OTOG: variants seen among roughly 807,000 people sequenced by gnomAD.
OTOG encodes otogelin.
In OTOG, 296 loss-of-function variants were observed where a neutral mutation model predicts 313.8. That is an observed-to-expected ratio of 0.94 (90% CI 0.86 to 1.04). The LOEUF (loss-of-function observed/expected upper bound fraction) is 1.04. OTOG is among the 50% of genes least tolerant of loss of function. The probability of loss-of-function intolerance (pLI) is 0.00; values close to 1 mark genes in which losing one functional copy is unlikely to be tolerated. For missense variants in OTOG, 3,948 were observed against 3,840.1 expected (o/e 1.03, Z -0.74); for synonymous variants, 1,533 against 1,554.9 (o/e 0.99, Z 0.33).
intron 48 of OTOG, chr11:17,638,819 C>T (rs955385062): frequency 5.3e-5 from 75 of 1,426,344 alleles, no homozygotes; most frequent in Admixed American, 1.3e-4. Context: ...TTACTGCGGC[C>T]GGGCACGGTG....
chr11:17,593,338 G>C lies in OTOG; in HGVS notation c.3141+11G>C. 2 of 1,550,446 alleles carry C rather than the reference G, an allele frequency of 1.3e-6. No homozygotes were observed. The highest frequency in any genetic ancestry group is 2.4e-5 in the South Asian group (2 of 84,012). ...GACTCCGGAAATCCTGTAAGGCTCA[G>C]TGCCTGTGAAGGTTGTGTAGACAAT... On this transcript the variant is annotated intron_variant, in intron 26 of 55. Coordinates refer to ENST00000399397, the MANE Select transcript of OTOG (RefSeq NM_001292063.2).
At position 17,642,195 on chromosome 11, in the gene OTOG, G is replaced by C. The variant is rs2023483; in HGVS notation, c.8364G>C (p.Leu2788=). The C allele has an allele frequency of 0.32, 491,485 of 1,548,636 alleles. 81,754 individuals are homozygous for C. Among genetic ancestry groups the C allele is most frequent in the African/African-American group, 0.51 (37,455 of 73,018 alleles). Residue 2788 remains leucine (L), a synonymous_variant, in exon 53 of 56, where the codon CTG becomes CTC. Coordinates refer to ENST00000399397, the MANE Select transcript of OTOG (RefSeq NM_001292063.2). The part of the protein sequence containing the change: ...HCSSTPLGAV[L]VRSPISCPPL... ...GCAGCACGCCCCTGGGTGCCGTGCT[G>C]GTCCGCTCTCCCATAAGCTGCCCAC...
At chr11:17,551,413 C>T (rs1851929575) in intron 3 of OTOG, among the ~76,000 whole-genome samples, 1 of 152,154 alleles carries the variant, frequency 6.6e-6, no homozygotes, top group African/African-American at 2.4e-5. Context: ...CTTGGCCTGT[C>T]TCCTCCTTAG....
intron 22 of OTOG, among the ~76,000 whole-genome samples, chr11:17,577,309 AG>A (rs1852552206): frequency 6.6e-6 from 1 of 151,930 alleles, no homozygotes; most frequent in South Asian, 2.1e-4. Flanking sequence ...TCACAGAGGT[AG>A]GCAGGACAGC....
rs1253410333 is a variant in OTOG, at chr11:17,596,085, C to G, written c.3456C>G (p.Leu1152=). The change falls in exon 29 of 56, where the codon CTC becomes CTG. Residue 1152 remains leucine (L), a synonymous_variant. Coordinates refer to ENST00000399397, the MANE Select transcript of OTOG (RefSeq NM_001292063.2). Reference sequence around the variant, plus strand: ...GGGATATGTGTGTCCTGAATCCTCTCCGAGAACCATTTGCCAAGAAGGAGT... The same window carrying G: ...GGGATATGTGTGTCCTGAATCCTCTGCGAGAACCATTTGCCAAGAAGGAGT... The part of the protein sequence containing the change: ...DPRDMCVLNP[L]REPFAKKECS... 2 of 1,550,854 alleles carry G rather than the reference C, an allele frequency of 1.3e-6. No homozygotes were observed. The highest frequency in any genetic ancestry group is 1.7e-6 in the Non-Finnish European group (2 of 1,147,058).
chr11:17,578,174 C>G (rs977034509), intron 22 of OTOG, 199 bp from the exon 23 acceptor site: 1 of 1,248,640 alleles, frequency 8.0e-7, no homozygotes, highest in Non-Finnish European at 1.0e-6. Context: ...TGGCCGCAGT[C>G]TTATTGTGTG....
chr11:17,610,685 C>A lies in OTOG; in HGVS notation c.5385C>A (p.Pro1795=), dbSNP rs1482210239. 1 of 1,550,590 alleles carries A rather than the reference C, an allele frequency of 6.4e-7. No individual in the cohort carries two copies. The highest frequency in any genetic ancestry group is 1.2e-5 in the South Asian group (1 of 84,064). ...TCATGTCCCTTGAGTCAACTCGTCC[C>A]TCCCAGCTCCTCTCTGGCCTGCCTC... is the stretch of plus-strand genomic sequence containing the variant. ...TPFMSLESTR[P]SQLLSGLPPD... Residue 1795 remains proline, a synonymous_variant, in exon 36 of 56, where the codon CCC becomes CCA. Transcript: ENST00000399397.
At chr11:17,582,631 T>C (rs1852697535) in intron 23 of OTOG, among the ~76,000 whole-genome samples, 1 of 152,202 alleles carries the variant, frequency 6.6e-6, no homozygotes, top group East Asian at 1.9e-4. Context: ...ACACTTGGTG[T>C]TTTCAGTCTT....
At chr11:17,612,850 CA>C (rs1228967095) in intron 38 of OTOG, 85 bp downstream of exon 38, 45 of 1,442,732 alleles carry the variant, frequency 3.1e-5, no homozygotes, top group Non-Finnish European at 4.2e-5. Flanking sequence ...GCCAGGGTAC[CA>C]GAGGCAAAGA....
intron 20 of OTOG, 87 bp from the exon 21 acceptor site, chr11:17,576,469 T>C: frequency 9.8e-7 from 1 of 1,019,256 alleles, no homozygotes. Context: ...ATGCACCTGG[T>C]TGGCTGAGGG....
intron 31 of OTOG, among the ~76,000 whole-genome samples, chr11:17,600,749 A>G (rs1344138467): frequency 2.0e-5 from 3 of 152,214 alleles, no homozygotes; most frequent in African/African-American, 7.2e-5. Flanking sequence ...GTCTGACATC[A>G]GGCAAGGCAT....
intron 24 of OTOG, among the ~76,000 whole-genome samples, chr11:17,590,432 A>G (rs1232467076): frequency 6.6e-6 from 1 of 152,136 alleles, no homozygotes; most frequent in Non-Finnish European, 1.5e-5. Context: ...TTCAAAATAC[A>G]TCCAGAATCT....
Position 17,552,047 on chromosome 11 carries a change from G to T in OTOG, c.264G>T (p.Arg88=). The part of the protein sequence containing the change: ...DSVAMSSWER[R]LHRAKCAPSY... ...TGGCCATGTCTTCCTGGGAAAGGCG[G>T]CTCCATCGGGCCAAGTGTGCACCAT... The change falls in exon 4 of 56, where the codon CGG becomes CGT. Residue 88 remains arginine, a synonymous_variant. Coordinates refer to ENST00000399397, the MANE Select transcript of OTOG (RefSeq NM_001292063.2). The T allele has an allele frequency of 6.4e-7, 1 of 1,550,514 alleles. No individual in the cohort carries two copies. Among genetic ancestry groups the T allele is most frequent in the East Asian group, 2.4e-5 (1 of 40,920 alleles).
intron 16 of OTOG, 108 bp from the exon 17 acceptor site, chr11:17,570,105 G>A (rs1429181941): frequency 6.7e-6 from 7 of 1,047,460 alleles, no homozygotes; most frequent in South Asian, 1.6e-5. Flanking sequence ...GGCAGGGGGC[G>A]AAGACTGGGC....
intron 43 of OTOG, 71 bp downstream of exon 43, chr11:17,633,945 C>G (rs1854196511): frequency 6.8e-7 from 1 of 1,481,370 alleles, no homozygotes; most frequent in Non-Finnish European, 9.0e-7. Context: ...CTGTCCACAG[C>G]TGAGTCCCAT....
In OTOG at chr11:17,629,069, T is replaced by G. The variant is rs796871439; in HGVS notation, c.6529-64T>G. 3.0e-6 allele frequency: 4 copies of G among 1,327,836 alleles called. No homozygotes were observed. In the African/African-American group the frequency reaches 4.4e-5, roughly 15 times the overall value. 82.3% of individuals were successfully genotyped at this position (1,327,836 alleles called of 1,614,324 possible). A position where few individuals can be genotyped will look rare whatever the true frequency, so the allele number is the denominator to read the frequency against. The stretch of plus-strand genomic sequence containing the variant: ...ATGGATGAATGGATGGACGGACAGA[T>G]GGATGGATGGATGGATGAATGAATG... On this transcript the variant is annotated intron_variant, in intron 39 of 55. Transcript: ENST00000399397.
chr11:17,571,986 A>G, intron 17 of OTOG, 94 bp from the exon 18 acceptor site: 6 of 1,484,152 alleles, frequency 4.0e-6, no homozygotes, highest in Non-Finnish European at 5.5e-6. Flanking sequence ...ATGTGTGTGT[A>G]TATGAGCAAG....
chr11:17,626,378 G>A (rs140083427), intron 39 of OTOG, among the ~76,000 whole-genome samples: 234 of 152,266 alleles, frequency 1.5e-3, no homozygotes, highest in African/African-American at 5.1e-3. Flanking sequence ...GTTTCACCAT[G>A]TTGGCCAGGC....
chr11:17,599,629 T>C (rs1324079571), intron 30 of OTOG, 42 bp from the exon 31 acceptor site: 4 of 1,549,526 alleles, frequency 2.6e-6, no homozygotes, highest in African/African-American at 1.4e-5. Context: ...TGTTCCAGGC[T>C]CTGGGCTGGC....
Sources: gnomAD v4.1 joint callset for allele counts (sites outside exome capture counted in the v4.1 genomes callset) on GRCh38, gnomAD v4.1.1 for gene constraint, MANE v1.5 for transcripts, NCBI Gene and HGNC (gene_info 2026-07-23, HGNC 2026-07-21) for gene names.